Variants in LMBR1 observed in about 807,000 individuals in gnomAD.
The protein encoded by LMBR1 is limb region 1 protein homolog.
LMBR1 carries 52 observed loss-of-function variants against 73.9 expected under a neutral mutation model. That is an observed-to-expected ratio of 0.70 (90% CI 0.56 to 0.89). The LOEUF is 0.89. LMBR1 is among the 40% of genes least tolerant of loss of function. LMBR1 has a pLI of 0.00. For synonymous variants in LMBR1, 215 were observed against 209.4 expected (o/e 1.03, Z -0.23); for missense variants, 539 against 579.8 (o/e 0.93, Z 0.72).
intron 15 of LMBR1, among the ~76,000 whole-genome samples, chr7:156,713,696 G>T (rs549307591): frequency 6.6e-6 from 1 of 152,250 alleles, no homozygotes; most frequent in Non-Finnish European, 1.5e-5. Flanking sequence ...GGCAGTGGTG[G>T]TCCTACAGGT....
chr7:156,887,456 TC>T (rs1240330303), intron 1 of LMBR1, among the ~76,000 whole-genome samples: 1 of 112,658 alleles, frequency 8.9e-6, no homozygotes, highest in Non-Finnish European at 1.7e-5. Flanking sequence ...AGAGTGAGAC[TC>T]CATCTCAAAA....
chr7:156,671,132 A>C (rs1172099741), intron 4 of LMBR1, among the ~76,000 whole-genome samples: 4 of 152,380 alleles, frequency 2.6e-5, no homozygotes, highest in East Asian at 1.9e-4. Context: ...TTAACCTTCA[A>C]AACAGTAAAG....
intron 15 of LMBR1, among the ~76,000 whole-genome samples, chr7:156,696,385 T>C (rs971808627): frequency 1.5e-4 from 23 of 152,112 alleles, no homozygotes; most frequent in African/African-American, 5.6e-4. Context: ...AATCCAATCG[T>C]TAAAATTAAC....
intron 3 of LMBR1, among the ~76,000 whole-genome samples, chr7:156,831,206 C>T (rs762975619): frequency 6.7e-6 from 1 of 149,970 alleles, no homozygotes; most frequent in South Asian, 2.1e-4. Flanking sequence ...GCAGACAAAA[C>T]AGGTCAAAAG....
At chr7:156,792,730 T>C (rs1231726215) in intron 5 of LMBR1, among the ~76,000 whole-genome samples, 1 of 152,202 alleles carries the variant, frequency 6.6e-6, no homozygotes, top group African/African-American at 2.4e-5. Flanking sequence ...TTAATTTGAT[T>C]TTCAATTCAA....
Position 156,670,089 on chromosome 7 carries a change from T to G in LMBR1, n.867-802A>C, listed in dbSNP as rs1802148096. On this transcript the variant is annotated intron_variant and non_coding_transcript_variant, in intron 4 of 4. Transcript: ENST00000430825. This position sits in a 1 kb window ranked among gnomAD's most constrained non-coding sequence, Gnocchi z 4.3. ...TCTAAGAAAAAATTAAATTATAAAT[T>G]TTATGACTTTCACAGTGCATCTTTA... 1.3e-5 allele frequency among the ~76,000 whole-genome samples: 2 copies of G among 152,240 alleles called. No individual in the cohort carries two copies. Among genetic ancestry groups the G allele is most frequent in the Admixed American group, 6.5e-5 (1 of 15,288 alleles).
chr7:156,704,336 G>A (rs1810437687), intron 15 of LMBR1, among the ~76,000 whole-genome samples: 4 of 152,032 alleles, frequency 2.6e-5, no homozygotes, highest in Admixed American at 2.0e-4. Flanking sequence ...CTACCACAAA[G>A]GCTATTTATA....
chr7:156,774,949 G>C (rs1825864289), intron 5 of LMBR1, among the ~76,000 whole-genome samples: 2 of 152,240 alleles, frequency 1.3e-5, no homozygotes, highest in Admixed American at 1.3e-4. Context: ...TCCCCTGTAA[G>C]TGGGAGCTAA....
chr7:156,801,000 A>G (rs550452957), intron 4 of LMBR1, among the ~76,000 whole-genome samples: 50 of 152,356 alleles, frequency 3.3e-4, no homozygotes, highest in African/African-American at 1.1e-3. Flanking sequence ...GTTTCTTGAG[A>G]TGGAATCTAC....
chr7:156,675,006 C>T (rs1803487619), downstream of LMBR1, among the ~76,000 whole-genome samples: 1 of 152,190 alleles, frequency 6.6e-6, no homozygotes, highest in South Asian at 2.1e-4. Flanking sequence ...AATTCTTCAG[C>T]TGGAGCCCTG....
chr7:156,676,490 G>A, downstream of LMBR1: 1 of 1,614,036 alleles, frequency 6.2e-7, no homozygotes, highest in Non-Finnish European at 8.5e-7. Flanking sequence ...GTCAGCGCGT[G>A]GGTGCAGGCA....
chr7:156,757,306 A>G (rs936229756), intron 8 of LMBR1, among the ~76,000 whole-genome samples: 4 of 152,180 alleles, frequency 2.6e-5, no homozygotes, highest in African/African-American at 9.7e-5. Context: ...AACATGCAAC[A>G]CTTTCCATTT....
At chr7:156,816,154 G>C (rs1270112149) in intron 4 of LMBR1, among the ~76,000 whole-genome samples, 1 of 152,002 alleles carries the variant, frequency 6.6e-6, no homozygotes, top group African/African-American at 2.4e-5. Flanking sequence ...TTAAAACAAA[G>C]ATAGTTTATC....
chr7:156,674,604 AGGCCGAG>A (rs1803374764), downstream of LMBR1, among the ~76,000 whole-genome samples: 2 of 152,146 alleles, frequency 1.3e-5, no homozygotes, highest in Non-Finnish European at 2.9e-5. Flanking sequence ...TGAGCCCGGG[AGGCCGAG>A]GCTGAGTGAG....
At chr7:156,691,621 A>G (rs1807194111) in intron 15 of LMBR1, among the ~76,000 whole-genome samples, 1 of 152,222 alleles carries the variant, frequency 6.6e-6, no homozygotes, top group South Asian at 2.1e-4. Context: ...TGACACATAA[A>G]GGGATCATTA....
chr7:156,830,676 A>G (rs1836520984), intron 3 of LMBR1, among the ~76,000 whole-genome samples: 1 of 152,226 alleles, frequency 6.6e-6, no homozygotes, highest in South Asian at 2.1e-4. Context: ...CAGCTAATCA[A>G]TAAACATTTG....
intron 15 of LMBR1, among the ~76,000 whole-genome samples, chr7:156,697,714 TC>T (rs1057490171): frequency 6.6e-6 from 1 of 152,216 alleles, no homozygotes; most frequent in Admixed American, 6.5e-5. Context: ...CTTCCCTTGT[TC>T]CCTAAAAATC....
intron 1 of LMBR1, among the ~76,000 whole-genome samples, chr7:156,873,983 C>G (rs1331636071): frequency 6.6e-6 from 1 of 152,262 alleles, no homozygotes; most frequent in Non-Finnish European, 1.5e-5. Flanking sequence ...GAGCTGCCTG[C>G]CAGTCCCGCG....
At chr7:156,811,902 T>A (rs1354634400) in intron 4 of LMBR1, among the ~76,000 whole-genome samples, 1 of 152,156 alleles carries the variant, frequency 6.6e-6, no homozygotes, top group African/African-American at 2.4e-5. Flanking sequence ...CTTCCTACTA[T>A]CTGTGGGTGG....
Sources: gnomAD v4.1 joint callset for allele counts (sites outside exome capture counted in the v4.1 genomes callset) on GRCh38, gnomAD v4.1.1 for gene constraint, Gnocchi (gnomAD v3.1) non-coding constraint, MANE v1.5 for transcripts, NCBI Gene and HGNC (gene_info 2026-07-23, HGNC 2026-07-21) for gene names.